The following MACROD2 variants were observed in gnomAD, a reference collection of about 807,000 sequenced individuals.
MACROD2 encodes the protein ADP-ribose glycohydrolase MACROD2.
A neutral mutation model predicts 70.4 loss-of-function variants in MACROD2; 36 were observed. The observed-to-expected ratio is 0.51, with a 90% CI of 0.39 to 0.68. MACROD2 has a LOEUF of 0.68. Among genes scored for constraint, MACROD2 ranks in the 30% least tolerant of loss-of-function variants. The pLI, the probability that MACROD2 is intolerant of heterozygous loss-of-function variation, is 0.00. For synonymous variants in MACROD2, 172 were observed against 178.8 expected (o/e 0.96, Z 0.30); for missense variants, 496 against 538.4 (o/e 0.92, Z 0.78).
intron 4 of MACROD2, among the ~76,000 whole-genome samples, chr20:14,536,498 C>T (rs1262553129): frequency 6.6e-6 from 1 of 152,058 alleles, no homozygotes; most frequent in Non-Finnish European, 1.5e-5. Context: ...GAGGACAGTT[C>T]ATCTTTATAC....
intron 5 of MACROD2, among the ~76,000 whole-genome samples, chr20:15,139,075 C>G (rs1046172372): frequency 6.6e-6 from 1 of 152,138 alleles, no homozygotes; most frequent in African/African-American, 2.4e-5. Flanking sequence ...GGTTTAATGT[C>G]TTTGCCATTT....
intron 3 of MACROD2, among the ~76,000 whole-genome samples, chr20:14,143,937 A>G (rs1251446365): frequency 6.6e-6 from 1 of 152,214 alleles, no homozygotes; most frequent in Admixed American, 6.5e-5. Flanking sequence ...TTTCAAAGTC[A>G]AAATAATTAA....
At chr20:14,259,839 T>C (rs779504834) in intron 3 of MACROD2, among the ~76,000 whole-genome samples, 3 of 152,214 alleles carry the variant, frequency 2.0e-5, no homozygotes, top group Non-Finnish European at 4.4e-5. Context: ...GTCTATCCTT[T>C]GTTTATGGGA....
chr20:15,585,653 T>C (rs1053443750), intron 8 of MACROD2, among the ~76,000 whole-genome samples: 1 of 152,224 alleles, frequency 6.6e-6, no homozygotes, highest in Non-Finnish European at 1.5e-5. Context: ...TGGCCTGTAG[T>C]TGCACCTTTT....
Position 14,776,265 on chromosome 20 carries a change from A to G in MACROD2, c.418+91306A>G, listed in dbSNP as rs149672703. Among the ~76,000 whole-genome samples the G allele has an allele frequency of 4.1e-4, 62 of 152,186 alleles. 1 individual carries two copies. In the South Asian group the frequency reaches 9.9e-3, roughly 24 times the overall value. On this transcript the variant is annotated intron_variant, in intron 5 of 17. Coordinates refer to ENST00000684519, the MANE Select transcript of MACROD2 (RefSeq NM_001351661.2). ...CAAAGTCTGGACTCAAGGGAACCTC[A>G]GATAACCAGTAAAAATGATCATCCA...
At chr20:14,736,247 T>C (rs1219371455) in intron 5 of MACROD2, among the ~76,000 whole-genome samples, 2 of 152,194 alleles carry the variant, frequency 1.3e-5, no homozygotes, top group African/African-American at 4.8e-5. Context: ...ACAAATTGTG[T>C]TACTCCATTT....
At chr20:14,366,824 T>C (rs2083277504) in intron 3 of MACROD2, among the ~76,000 whole-genome samples, 1 of 152,200 alleles carries the variant, frequency 6.6e-6, no homozygotes, top group Admixed American at 6.5e-5. Flanking sequence ...CATGTAGTTG[T>C]ATCAAGTTAT....
chr20:14,343,263 A>T (rs1325860907), intron 3 of MACROD2, among the ~76,000 whole-genome samples: 1 of 151,750 alleles, frequency 6.6e-6, no homozygotes, highest in East Asian at 1.9e-4. Flanking sequence ...ACTTAAAATG[A>T]TCCTTGAAAA....
intron 2 of MACROD2, among the ~76,000 whole-genome samples, chr20:14,069,861 T>TA (rs1379920372): frequency 6.6e-6 from 1 of 151,668 alleles, no homozygotes; most frequent in Non-Finnish European, 1.5e-5. Context: ...ACCAGAGGCT[T>TA]AAAGATTGCT....
chr20:15,151,106 G>A (rs1460864032), intron 5 of MACROD2, among the ~76,000 whole-genome samples: 2 of 152,090 alleles, frequency 1.3e-5, no homozygotes, highest in African/African-American at 2.4e-5. Flanking sequence ...CTGCTAAGCC[G>A]AGAAGATCTG....
At chr20:14,691,626 T>C (rs2071065638) in intron 5 of MACROD2, among the ~76,000 whole-genome samples, 1 of 152,178 alleles carries the variant, frequency 6.6e-6, no homozygotes, top group African/African-American at 2.4e-5. Flanking sequence ...AAATGCAGTT[T>C]CTAGAGCAGG....
At chr20:14,313,771 A>T (rs1485885159) in intron 3 of MACROD2, among the ~76,000 whole-genome samples, 1 of 152,222 alleles carries the variant, frequency 6.6e-6, no homozygotes, top group East Asian at 1.9e-4. Context: ...AGACTATGAA[A>T]TAAGAATGTC....
chr20:14,230,654 T>TATATATATATATATATATATATAAAA lies in MACROD2; in HGVS notation c.271+144927_271+144928insTATATATATATATATATATATAAAAA. Among the ~76,000 whole-genome samples the TATATATATATATATATATATATAAAA allele has an allele frequency of 8.1e-5, 6 of 74,238 alleles. 1 individual carries two copies. The highest frequency in any genetic ancestry group is 4.0e-4 in the African/African-American group (6 of 14,820). 48.7% of individuals were successfully genotyped at this position (74,238 alleles called of 152,430 possible). A position where few individuals can be genotyped will look rare whatever the true frequency, so the allele number is the denominator to read the frequency against. On this transcript the variant is annotated intron_variant, in intron 3 of 17. Transcript: ENST00000684519. Reference sequence around the variant, plus strand: ...GTTTATATATATATATATATATATATAACACAGGCTGGGCCTATATATATA... The same window carrying TATATATATATATATATATATATAAAA: ...GTTTATATATATATATATATATATATATATATATATATATATATATATAAAAAACACAGGCTGGGCCTATATATATA...
At chr20:15,157,843 C>A (rs965748133) in intron 5 of MACROD2, among the ~76,000 whole-genome samples, 2 of 152,120 alleles carry the variant, frequency 1.3e-5, no homozygotes, top group Admixed American at 1.3e-4. Flanking sequence ...GCCCTCTTTC[C>A]CAGCCATATT....
chr20:15,936,420 CTA>C (rs997739120), intron 11 of MACROD2, among the ~76,000 whole-genome samples: 11 of 147,256 alleles, frequency 7.5e-5, no homozygotes, highest in Admixed American at 1.4e-4. Context: ...ATATGAAAAA[CTA>C]TATATATACT....
intron 11 of MACROD2, among the ~76,000 whole-genome samples, chr20:15,934,884 G>C (rs374922825): frequency 1.4e-4 from 21 of 151,864 alleles, no homozygotes; most frequent in African/African-American, 4.4e-4. Flanking sequence ...TTTTAGTAGA[G>C]ACAGGGTTTC....
chr20:14,648,721 A>C (rs1985527804), intron 4 of MACROD2, among the ~76,000 whole-genome samples: 1 of 152,054 alleles, frequency 6.6e-6, no homozygotes, highest in Non-Finnish European at 1.5e-5. Context: ...CTACTCTGCA[A>C]CTTATTTAAG....
At chr20:15,876,484 G>C (rs2064676159) in intron 9 of MACROD2, among the ~76,000 whole-genome samples, 1 of 152,068 alleles carries the variant, frequency 6.6e-6, no homozygotes, top group Non-Finnish European at 1.5e-5. Context: ...TGGTGTATAT[G>C]TACCACATTT....
At chr20:15,813,764 G>A (rs982352684) in intron 8 of MACROD2, among the ~76,000 whole-genome samples, 1 of 152,100 alleles carries the variant, frequency 6.6e-6, no homozygotes, top group Admixed American at 6.5e-5. Flanking sequence ...GGGAGACAGA[G>A]GGAGAGATCC....
Sources: gnomAD v4.1 joint callset for allele counts (sites outside exome capture counted in the v4.1 genomes callset) on GRCh38, gnomAD v4.1.1 for gene constraint, MANE v1.5 for transcripts, NCBI Gene and HGNC (gene_info 2026-07-23, HGNC 2026-07-21) for gene names.